Variants in SLC4A4 observed in about 807,000 individuals in gnomAD.
The protein encoded by SLC4A4 is electrogenic sodium bicarbonate cotransporter 1.
SLC4A4 carries 27 observed loss-of-function variants against 111.5 expected under a neutral mutation model. The observed-to-expected ratio is 0.24, with a 90% confidence interval of 0.18 to 0.33. SLC4A4 has a LOEUF of 0.33. SLC4A4 is among the 10% of genes least tolerant of loss of function. The probability of loss-of-function intolerance (pLI) is 1.00; values close to 1 mark genes in which losing one functional copy is unlikely to be tolerated. For missense variants in SLC4A4, 909 were observed against 1,315.5 expected (o/e 0.69, Z 4.78); for synonymous variants, 443 against 463.4 (o/e 0.96, Z 0.57).
At chr4:71,419,925 A>G (rs1722250062) in intron 7 of SLC4A4, among the ~76,000 whole-genome samples, 1 of 152,240 alleles carries the variant, frequency 6.6e-6, no homozygotes, top group Non-Finnish European at 1.5e-5. Context: ...TCTAAAAAGC[A>G]GAGCACCTCT....
intron 18 of SLC4A4, among the ~76,000 whole-genome samples, chr4:71,545,352 A>G (rs1735425860): frequency 6.6e-6 from 1 of 151,926 alleles, no homozygotes; most frequent in Admixed American, 6.6e-5. Flanking sequence ...TCCTAGTGTA[A>G]ATCACATCCT....
At chr4:71,249,522 G>A (rs532499548) in intron 2 of SLC4A4, among the ~76,000 whole-genome samples, 73 of 152,184 alleles carry the variant, frequency 4.8e-4, no homozygotes, top group African/African-American at 1.6e-3. Context: ...AATTAGCAAT[G>A]TTACTTTGCT....
chr4:71,369,512 T>C (rs915366030), intron 6 of SLC4A4, among the ~76,000 whole-genome samples: 1 of 152,152 alleles, frequency 6.6e-6, no homozygotes, highest in Admixed American at 6.5e-5. Flanking sequence ...GGAAGGTCAC[T>C]GGAGATGAGG....
At chr4:71,388,157 G>T (rs1211749440) in intron 6 of SLC4A4, among the ~76,000 whole-genome samples, 2 of 152,136 alleles carry the variant, frequency 1.3e-5, no homozygotes, top group African/African-American at 2.4e-5. Context: ...TTCTCTTTCT[G>T]CTTTTGTGAG....
intron 3 of SLC4A4, among the ~76,000 whole-genome samples, chr4:71,316,206 T>G (rs1263964333): frequency 1.3e-5 from 2 of 152,184 alleles, no homozygotes; most frequent in Admixed American, 6.6e-5. Flanking sequence ...AATAAATGTT[T>G]GCAGATTGTT....
chr4:71,139,999 C>T (rs1241479839), intron 2 of SLC4A4, among the ~76,000 whole-genome samples: 1 of 152,186 alleles, frequency 6.6e-6, no homozygotes, highest in East Asian at 1.9e-4. Flanking sequence ...TTAATCCTCT[C>T]TGCTTCTGTT....
At chr4:71,332,600 G>A (rs1018116011) in intron 3 of SLC4A4, among the ~76,000 whole-genome samples, 20 of 151,850 alleles carry the variant, frequency 1.3e-4, no homozygotes, top group African/African-American at 4.4e-4. Context: ...GCCCGCCACT[G>A]CGCCCGGCTA....
intron 7 of SLC4A4, among the ~76,000 whole-genome samples, chr4:71,398,313 GA>G (rs1413434124): frequency 6.7e-6 from 1 of 150,136 alleles, no homozygotes; most frequent in Non-Finnish European, 1.5e-5. Flanking sequence ...GAAATGCTAA[GA>G]AATGCTGAAA....
intron 2 of SLC4A4, among the ~76,000 whole-genome samples, chr4:71,178,567 C>T (rs372657924): frequency 3.8e-4 from 58 of 152,188 alleles, no homozygotes; most frequent in Non-Finnish European, 7.1e-4. Flanking sequence ...TCAGAGAATA[C>T]TATAAACACC....
intron 13 of SLC4A4, among the ~76,000 whole-genome samples, chr4:71,469,138 T>G (rs1727643462): frequency 6.6e-6 from 1 of 152,024 alleles, no homozygotes; most frequent in South Asian, 2.1e-4. Context: ...TGTTTTGCAT[T>G]ATTTTTACAC....
At chr4:71,398,570 A>G (rs1720055876) in intron 7 of SLC4A4, among the ~76,000 whole-genome samples, 1 of 152,222 alleles carries the variant, frequency 6.6e-6, no homozygotes, top group Admixed American at 6.5e-5. Context: ...TGCTTCCTAA[A>G]TGAAAAAATT....
At chr4:71,150,715 G>A (rs1430724544) in intron 2 of SLC4A4, among the ~76,000 whole-genome samples, 2 of 152,130 alleles carry the variant, frequency 1.3e-5, no homozygotes, top group Non-Finnish European at 2.9e-5. Flanking sequence ...AGGTGAGAGC[G>A]CTTGGGATTT....
intron 16 of SLC4A4, among the ~76,000 whole-genome samples, chr4:71,519,101 T>C (rs866352462): frequency 1.7e-4 from 26 of 152,230 alleles, no homozygotes; most frequent in South Asian, 2.1e-4. Flanking sequence ...TGTTAATCTG[T>C]TCCCTTAGCT....
chr4:71,419,544 C>G lies in SLC4A4; in HGVS notation c.808-21072C>G, dbSNP rs530277884. Among the ~76,000 whole-genome samples the G allele has an allele frequency of 7.9e-5, 12 of 152,306 alleles. No homozygotes were observed. The South Asian group carries it at 2.5e-3, about 32-fold the overall frequency. On this transcript the variant is annotated intron_variant, in intron 7 of 25. Transcript: ENST00000264485. Reference sequence around the variant, plus strand: ...CTGGTGCCCCGTTTTTTAAGCCTGTCGGAAAAGTGCAGTATTTGAGTGGGA... The same window carrying G: ...CTGGTGCCCCGTTTTTTAAGCCTGTGGGAAAAGTGCAGTATTTGAGTGGGA...
chr4:71,307,335 C>G (rs1245151167), intron 3 of SLC4A4, among the ~76,000 whole-genome samples: 1 of 152,204 alleles, frequency 6.6e-6, no homozygotes, highest in Admixed American at 6.5e-5. Context: ...CACTGAGACT[C>G]AGACCTGGTA....
At chr4:71,393,533 A>G (rs1032343103) in intron 6 of SLC4A4, among the ~76,000 whole-genome samples, 2 of 152,180 alleles carry the variant, frequency 1.3e-5, no homozygotes, top group African/African-American at 4.8e-5. Context: ...ACAAATGGAA[A>G]CATATCCCAT....
chr4:71,366,991 T>C (rs1731396840), intron 6 of SLC4A4, among the ~76,000 whole-genome samples: 1 of 152,218 alleles, frequency 6.6e-6, no homozygotes, highest in Admixed American at 6.5e-5. Context: ...GTGCCGAGTC[T>C]CTCTGGGCAG....
intron 3 of SLC4A4, among the ~76,000 whole-genome samples, chr4:71,292,633 T>C (rs1382965429): frequency 6.6e-6 from 1 of 152,154 alleles, no homozygotes; most frequent in Middle Eastern, 3.2e-3. Context: ...TTTGTTCAAA[T>C]TGATACCTGA....
At chr4:71,182,965 A>G (rs1415257291), upstream of SLC4A4, among the ~76,000 whole-genome samples, 7 of 152,172 alleles carry the variant, frequency 4.6e-5, no homozygotes, top group Non-Finnish European at 8.8e-5. Context: ...TGCAGGAGGA[A>G]GGGGCTGAAA....
Sources: allele counts gnomAD v4.1 joint callset (sites outside exome capture counted in the v4.1 genomes callset), GRCh38; gene constraint gnomAD v4.1.1; transcripts MANE v1.5; gene names NCBI Gene and HGNC (gene_info 2026-07-23, HGNC 2026-07-21).